Variants in CENPE observed in about 807,000 individuals in gnomAD.
CENPE encodes centromere-associated protein E.
CENPE carries 145 observed loss-of-function variants against 336.1 expected under a neutral mutation model. The ratio of observed to expected loss-of-function variants is 0.43; its 90% confidence interval spans 0.38 to 0.50. CENPE has a LOEUF of 0.50. Among genes scored for constraint, CENPE ranks in the 20% least tolerant of loss-of-function variants. CENPE has a pLI of 0.00. For synonymous variants in CENPE, 1,013 were observed against 984.8 expected, an observed-to-expected ratio of 1.03 and a Z score of -0.54; for missense variants, 2,719 against 3,023.3, an observed-to-expected ratio of 0.90 and a Z score of 2.36.
intron 25 of CENPE, among the ~76,000 whole-genome samples, chr4:103,152,655 G>T (rs899869707): frequency 2.6e-5 from 4 of 152,074 alleles, no homozygotes; most frequent in African/African-American, 9.7e-5. Flanking sequence ...AAAAATTATG[G>T]CGTATTAATA....
Position 103,145,365 on chromosome 4 carries a change from T to A in CENPE, c.4573-31A>T, listed in dbSNP as rs777297227. 2.8e-6 allele frequency: 4 copies of A among 1,428,078 alleles called. No homozygotes were observed. The South Asian group carries it at 5.1e-5, about 18-fold the overall frequency. The allele number at this position is 1,428,078 out of a possible 1,614,324, so 88.5% of individuals were successfully genotyped here. On this transcript the variant is annotated intron_variant, in intron 31 of 48. Transcript: ENST00000265148. ...ACATAATTATAAAATAAGTTAATAG[T>A]CATAAAAATATGTAAACACACACAC...
intron 42 of CENPE, among the ~76,000 whole-genome samples, chr4:103,124,183 T>C (rs1750894546): frequency 6.6e-6 from 1 of 152,176 alleles, no homozygotes; most frequent in Admixed American, 6.5e-5. Flanking sequence ...GGTCTTGATA[T>C]ACATATTTTA....
rs370187642 is a variant in CENPE, at chr4:103,158,777, T to C, written c.2711A>G (p.Gln904Arg). 9 of 1,613,140 alleles carry C rather than the reference T, an allele frequency of 5.6e-6. No homozygotes were observed. The highest frequency in any genetic ancestry group is 7.6e-6 in the Non-Finnish European group (9 of 1,179,494). Residue 904 changes from glutamine (Q) to arginine (R), a missense_variant, in exon 23 of 49, where the codon CAA (glutamine) becomes CGA (arginine). Transcript: ENST00000265148. ...EQLENRDSTL[Q>R]TVEREKTLIT... ...CAGTGTTTTCTCCCTTTCTACAGTTTGCAGCGTAGAATCTCTATTTTCTAA... is the reference window on the plus strand; with the variant it reads ...CAGTGTTTTCTCCCTTTCTACAGTTCGCAGCGTAGAATCTCTATTTTCTAA...
chr4:103,112,613 T>G (rs140557496), intron 46 of CENPE, among the ~76,000 whole-genome samples: 7 of 130,594 alleles, frequency 5.4e-5, no homozygotes, highest in Non-Finnish European at 7.6e-5. Flanking sequence ...TATAAGTCTG[T>G]ATATATACTT....
At chr4:103,106,969 T>TTTA (rs1748954600) in intron 48 of CENPE, among the ~76,000 whole-genome samples, 1 of 152,246 alleles carries the variant, frequency 6.6e-6, no homozygotes, top group African/African-American at 2.4e-5. Context: ...TACTCTTTTA[T>TTTA]TTATCTAAAA....
chr4:103,111,092 A>T (rs576990579), intron 46 of CENPE, 81 bp from the exon 47 acceptor site: 83 of 1,054,960 alleles, frequency 7.9e-5, no homozygotes, highest in Non-Finnish European at 1.1e-4. Flanking sequence ...ACCAAGTACA[A>T]TAAGCCATTA....
chr4:103,146,036 G>A lies in CENPE; in HGVS notation c.4206C>T (p.Ile1402=), dbSNP rs1753025757. Residue 1402 remains isoleucine (I), a synonymous_variant, in exon 30 of 49, where the codon ATC becomes ATT. Coordinates refer to ENST00000265148, the MANE Select transcript of CENPE (RefSeq NM_001813.3). Reference sequence around the variant, plus strand: ...GTTTGAATTGCTCCATCTCACTCACGATTTTGGTAGTTTCATTGTCTTTTT... The same window carrying A: ...GTTTGAATTGCTCCATCTCACTCACAATTTTGGTAGTTTCATTGTCTTTTT... ...MKEKDNETTK[I]VSEMEQFKPK... 3.7e-6 allele frequency: 6 copies of A among 1,613,632 alleles called. No homozygotes were observed. The highest frequency in any genetic ancestry group is 1.3e-5 in the African/African-American group (1 of 74,876).
At position 103,176,905 on chromosome 4, in the gene CENPE, C is replaced by A; in HGVS notation, c.1384G>T (p.Asp462Tyr). The change falls in exon 14 of 49, where the codon GAT becomes TAT. Residue 462 changes from aspartate (D) to tyrosine (Y), a missense_variant. By Grantham distance (160) the Asp-to-Tyr change is radical. Coordinates refer to ENST00000265148, the MANE Select transcript of CENPE (RefSeq NM_001813.3). ...ACTTGAAAAAAGCACTCACATTCAT[C>A]AATTTCTCGTAATAAATTTATAGAA... is the stretch of plus-strand genomic sequence containing the variant. The part of the protein sequence containing the change: ...KLSINLLREI[D>Y]ESVCSESDVF... The A allele has an allele frequency of 6.4e-7, 1 of 1,566,622 alleles. No individual in the cohort carries two copies.
chr4:103,191,062 G>C (rs1757272523), intron 8 of CENPE, among the ~76,000 whole-genome samples: 1 of 152,034 alleles, frequency 6.6e-6, no homozygotes, highest in African/African-American at 2.4e-5. Context: ...ATCATCACTG[G>C]CCATCAGAGA....
At chr4:103,112,437 A>T (rs1301964953) in intron 46 of CENPE, among the ~76,000 whole-genome samples, 2 of 145,840 alleles carry the variant, frequency 1.4e-5, no homozygotes, top group South Asian at 2.1e-4. Context: ...ATACTTATAC[A>T]TACATATACT....
Position 103,147,589 on chromosome 4 carries a change from T to A in CENPE, c.3901A>T (p.Thr1301Ser). The A allele has an allele frequency of 6.2e-7, 1 of 1,613,816 alleles. No individual in the cohort carries two copies. The highest frequency in any genetic ancestry group is 2.2e-5 in the East Asian group (1 of 44,882). ...TCCAGTTCATTCATTGTTTCCTGAG[T>A]CTCACTGACTTCTTTCACATTAGGC... ...LLPNVKEVSE[T>S]QETMNELELL... Residue 1301 changes from threonine (T) to serine (S), a missense_variant, in exon 29 of 49, where the codon ACT (threonine) becomes TCT (serine). Around this residue, in one of 5 missense-constraint regions of CENPE, gnomAD observed 2,437 missense variants for 2,513.3 expected, o/e 0.97. Transcript: ENST00000265148.
intron 8 of CENPE, among the ~76,000 whole-genome samples, chr4:103,189,326 G>A (rs1757090687): frequency 6.6e-6 from 1 of 152,158 alleles, no homozygotes; most frequent in Non-Finnish European, 1.5e-5. Flanking sequence ...AAGCCTGGCA[G>A]AGACACAACA....
intron 16 of CENPE, among the ~76,000 whole-genome samples, chr4:103,169,284 G>A (rs1449886853): frequency 6.6e-6 from 1 of 151,026 alleles, no homozygotes; most frequent in African/African-American, 2.4e-5. Context: ...TGAAGTTTAT[G>A]GGACAACATC....
At chr4:103,126,382 C>T (rs1254119701) in intron 42 of CENPE, among the ~76,000 whole-genome samples, 1 of 151,988 alleles carries the variant, frequency 6.6e-6, no homozygotes. Flanking sequence ...GGGGGAAATA[C>T]TAAGTTTCAG....
rs1367379834 is a variant in CENPE at position 103,198,304 on chromosome 4, C to G, written c.16G>C (p.Ala6Pro). 1.3e-6 allele frequency: 2 copies of G among 1,551,158 alleles called. No homozygotes were observed. Reference protein sequence around the residue: MAEEGAVAVCVRVRPL... With the variant: MAEEGPVAVCVRVRPL... ...CGCACTCGCACGCAGACGGCCACGG[C>G]TCCTTCCTCCGCCATCCTATCAGGC... is the stretch of plus-strand genomic sequence containing the variant. The change falls in exon 1 of 49, where the codon GCC becomes CCC. Residue 6 changes from alanine to proline, a missense_variant. Coordinates refer to ENST00000265148, the MANE Select transcript of CENPE (RefSeq NM_001813.3).
In CENPE at chr4:103,184,270, C is replaced by T. The variant is rs145280115; in HGVS notation, c.746-982G>A. Among the ~76,000 whole-genome samples, 313 of 152,314 alleles carry T rather than the reference C, an allele frequency of 2.1e-3. 1 individual carries two copies. Among genetic ancestry groups the T allele is most frequent in the African/African-American group, 7.0e-3 (290 of 41,566 alleles). On this transcript the variant is annotated intron_variant, in intron 9 of 48. Coordinates refer to ENST00000265148, the MANE Select transcript of CENPE (RefSeq NM_001813.3). ...AATAGGTTGCAGAATGAGCTCAAGTCTGTTGAACAAACTTCTAATCTTCCT... is the reference window on the plus strand; with the variant it reads ...AATAGGTTGCAGAATGAGCTCAAGTTTGTTGAACAAACTTCTAATCTTCCT...
intron 29 of CENPE, among the ~76,000 whole-genome samples, chr4:103,146,662 C>T (rs550084703): frequency 1.3e-5 from 2 of 149,384 alleles, no homozygotes; most frequent in African/African-American, 2.6e-5. Flanking sequence ...AAGATCTGCA[C>T]CTAGGGCCTC....
rs756885357 is a variant in CENPE at position 103,141,813 on chromosome 4, C to T, written c.5400G>A (p.Lys1800=). The change falls in exon 35 of 49, where the codon AAG becomes AAA. Residue 1800 remains lysine, a synonymous_variant. Coordinates refer to ENST00000265148, the MANE Select transcript of CENPE (RefSeq NM_001813.3). ...IDKLRGIVSE[K]TDKLSNMQKD... ...TTTGCATATTTGATAGTTTATCTGT[C>T]TTCTCAGAAACAATTCCTCTGAGTT... 1.3e-6 allele frequency: 2 copies of T among 1,581,252 alleles called. No homozygotes were observed. The highest frequency in any genetic ancestry group is 2.3e-5 in the East Asian group (1 of 44,360).
intron 16 of CENPE, among the ~76,000 whole-genome samples, chr4:103,171,661 C>T (rs1197837527): frequency 6.8e-6 from 1 of 146,224 alleles, no homozygotes; most frequent in South Asian, 2.1e-4. Flanking sequence ...AAGATCAGAG[C>T]AGAAATAAAC....
Sources: allele counts gnomAD v4.1 joint callset (sites outside exome capture counted in the v4.1 genomes callset), GRCh38; gene constraint gnomAD v4.1.1; regional missense constraint gnomAD v4.1.1; transcripts MANE v1.5; gene names NCBI Gene and HGNC (gene_info 2026-07-23, HGNC 2026-07-21).